The following ARPP21 variants were observed in gnomAD, a reference collection of about 807,000 sequenced individuals.
ARPP21 encodes cAMP regulated phosphoprotein 21.
A neutral mutation model predicts 113.2 loss-of-function variants in ARPP21; 69 were observed. That is an observed-to-expected ratio of 0.61 (90% confidence interval 0.50 to 0.74). The LOEUF is 0.74. ARPP21 is among the 30% of genes least tolerant of loss of function. ARPP21 has a pLI of 0.00. For synonymous variants in ARPP21, 368 were observed against 375.5 expected, an observed-to-expected ratio of 0.98 and a Z score of 0.23; for missense variants, 1,070 against 1,037.4, an observed-to-expected ratio of 1.03 and a Z score of -0.43.
At chr3:35,645,351 T>C (rs1699798418) in intron 1 of ARPP21, among the ~76,000 whole-genome samples, 1 of 151,856 alleles carries the variant, frequency 6.6e-6, no homozygotes, top group East Asian at 1.9e-4. Context: ...GCAAATAAAA[T>C]TTGTTTTTAG....
intron 19 of ARPP21, among the ~76,000 whole-genome samples, chr3:35,748,104 AAG>A (rs2095225018): frequency 7.4e-6 from 1 of 135,228 alleles, no homozygotes; most frequent in South Asian, 2.3e-4. Context: ...GAAAGAAAGA[AAG>A]AAAGAAGAAA....
intron 19 of ARPP21, among the ~76,000 whole-genome samples, chr3:35,761,263 A>G (rs1027127310): frequency 6.6e-6 from 1 of 152,108 alleles, no homozygotes; most frequent in African/African-American, 2.4e-5. Flanking sequence ...CTATATTTAG[A>G]GATGCATTTG....
chr3:35,655,181 A>G (rs545938401), intron 1 of ARPP21, among the ~76,000 whole-genome samples: 2 of 152,116 alleles, frequency 1.3e-5, no homozygotes, highest in South Asian at 4.1e-4. Flanking sequence ...TACTTTTGAG[A>G]AATATTTCTG....
intron 19 of ARPP21, among the ~76,000 whole-genome samples, chr3:35,777,508 T>C (rs2096406747): frequency 6.6e-6 from 1 of 152,238 alleles, no homozygotes; most frequent in Non-Finnish European, 1.5e-5. Context: ...TTTAGTCTCA[T>C]TTAAATATCA....
chr3:35,720,976 G>A (rs2093006590), intron 13 of ARPP21, among the ~76,000 whole-genome samples: 1 of 152,156 alleles, frequency 6.6e-6, no homozygotes, highest in South Asian at 2.1e-4. Context: ...TAATTAAAGG[G>A]TTCTTTCCTC....
rs1300396585 is a variant in ARPP21, at chr3:35,656,280, A to C, written c.-213+15882A>C. ...TATAATAATAATCCCCTAATCCACA[A>C]GACTGGATATTCTAAAAATCAAGGA... On this transcript the variant is annotated intron_variant, in intron 1 of 20. Transcript: ENST00000684406. Among the ~76,000 whole-genome samples the C allele has an allele frequency of 1.3e-5, 2 of 152,078 alleles. 1 individual carries two copies. Among genetic ancestry groups the C allele is most frequent in the East Asian group, 3.9e-4 (2 of 5,158 alleles).
intron 1 of ARPP21, among the ~76,000 whole-genome samples, chr3:35,641,248 C>T (rs1697970677): frequency 6.9e-6 from 1 of 144,140 alleles, no homozygotes; most frequent in African/African-American, 2.6e-5. Flanking sequence ...CACTCAGCCT[C>T]TCAAAACAAG....
At chr3:35,653,199 CT>C (rs1388512694) in intron 1 of ARPP21, among the ~76,000 whole-genome samples, 1 of 152,036 alleles carries the variant, frequency 6.6e-6, no homozygotes, top group Non-Finnish European at 1.5e-5. Context: ...TACCTATCTA[CT>C]TTTTGGCTGT....
At chr3:35,761,343 G>C (rs978658480) in intron 19 of ARPP21, among the ~76,000 whole-genome samples, 1 of 152,080 alleles carries the variant, frequency 6.6e-6, no homozygotes, top group Non-Finnish European at 1.5e-5. Context: ...TGAAAAATTT[G>C]ACATCTGGCT....
chr3:35,760,711 T>C (rs2095741654), intron 19 of ARPP21, among the ~76,000 whole-genome samples: 1 of 152,062 alleles, frequency 6.6e-6, no homozygotes, highest in African/African-American at 2.4e-5. Flanking sequence ...CATGGCACTG[T>C]GGATATTAGA....
Position 35,721,835 on chromosome 3 carries a change from G to C in ARPP21, c.1225+1G>C, listed in dbSNP as rs1317103526. 6.3e-7 allele frequency: 1 copy of C among 1,589,950 alleles called. No individual in the cohort carries two copies. Among genetic ancestry groups the C allele is most frequent in the African/African-American group, 1.3e-5 (1 of 74,370 alleles). ...AGTACCGGGAAGCTGTCCAAAGCAGGTAGTTAGTACTGAATGTGTTTATGT... is the reference window on the plus strand; with the variant it reads ...AGTACCGGGAAGCTGTCCAAAGCAGCTAGTTAGTACTGAATGTGTTTATGT... On this transcript the variant is annotated splice_donor_variant, in intron 14 of 20. Transcript: ENST00000684406. LOFTEE classifies it high-confidence loss of function.
At chr3:35,737,624 A>T (rs1462777655) in intron 16 of ARPP21, among the ~76,000 whole-genome samples, 2 of 152,192 alleles carry the variant, frequency 1.3e-5, no homozygotes, top group Non-Finnish European at 2.9e-5. Flanking sequence ...TTAGGTCTAA[A>T]TGCCCTTTTT....
intron 19 of ARPP21, chr3:35,784,796 A>G (rs1490616103): frequency 6.6e-6 from 1 of 152,196 alleles, no homozygotes; most frequent in Non-Finnish European, 1.5e-5. Context: ...TTTATTATAT[A>G]AAGAGGGCAC....
intron 9 of ARPP21, among the ~76,000 whole-genome samples, chr3:35,697,316 G>T (rs928495934): frequency 1.3e-5 from 2 of 151,576 alleles, no homozygotes; most frequent in Non-Finnish European, 3.0e-5. Context: ...AATAGTGGCC[G>T]ACAGGCATTG....
chr3:35,689,378 A>G lies in ARPP21; in HGVS notation c.478A>G (p.Asn160Asp). ...HEFLINTLKN[N>D]SRDRMILLKM... The stretch of plus-strand genomic sequence containing the variant: ...GTTTCTGATTAACACATTAAAGAAT[A>G]ATTCCAGGTAAATTATTAAATGAGC... Residue 160 changes from asparagine (N) to aspartate (D), a missense_variant, in exon 7 of 21, where the codon AAT (asparagine) becomes GAT (aspartate). Physicochemically the swap from Asn to Asp is conservative, Grantham distance 23. Coordinates refer to ENST00000684406, the MANE Select transcript of ARPP21 (RefSeq NM_001385562.1). 1.4e-6 allele frequency: 2 copies of G among 1,469,686 alleles called. No individual in the cohort carries two copies. The highest frequency in any genetic ancestry group is 1.1e-5 in the South Asian group (1 of 87,980). 91.0% of individuals were successfully genotyped at this position (1,469,686 alleles called of 1,614,324 possible). A position where few individuals can be genotyped will look rare whatever the true frequency, so the allele number is the denominator to read the frequency against.
rs1019644904 is a variant in ARPP21 at position 35,684,771 on chromosome 3, A to G, written c.261+956A>G. On this transcript the variant is annotated intron_variant, in intron 5 of 20. Coordinates refer to ENST00000684406, the MANE Select transcript of ARPP21 (RefSeq NM_001385562.1). The stretch of plus-strand genomic sequence containing the variant: ...CTTTCTTTAAAAGGACCAAAAATAA[A>G]TTCCTAATAGATTTTGTCCTAAGAG... 3 of 985,002 alleles carry G rather than the reference A, an allele frequency of 3.0e-6. No homozygotes were observed. The African/African-American group carries it at 5.2e-5, about 17-fold the overall frequency. 61.0% of individuals were successfully genotyped at this position (985,002 alleles called of 1,614,324 possible).
intron 19 of ARPP21, among the ~76,000 whole-genome samples, chr3:35,791,348 C>T (rs2096743270): frequency 6.6e-6 from 1 of 152,088 alleles, no homozygotes; most frequent in Non-Finnish European, 1.5e-5. Flanking sequence ...TCTTTTCTCT[C>T]AGAGAATTGT....
intron 9 of ARPP21, among the ~76,000 whole-genome samples, chr3:35,705,703 C>A (rs2088657720): frequency 6.6e-6 from 1 of 151,964 alleles, no homozygotes. Flanking sequence ...TTAAAAGAGG[C>A]AAAAATTATT....
chr3:35,779,978 C>G (rs1169592724), intron 19 of ARPP21, among the ~76,000 whole-genome samples: 2 of 152,158 alleles, frequency 1.3e-5, no homozygotes, highest in African/African-American at 4.8e-5. Context: ...TCCCCTTGCC[C>G]AGAGGCAAAG....
Sources: gnomAD v4.1 joint callset for allele counts (sites outside exome capture counted in the v4.1 genomes callset) on GRCh38, gnomAD v4.1.1 for gene constraint, MANE v1.5 for transcripts, NCBI Gene and HGNC (gene_info 2026-07-23, HGNC 2026-07-21) for gene names.